CNTN5: variants seen among roughly 807,000 people sequenced by gnomAD.
CNTN5 encodes the protein contactin-5.
Under a neutral mutation model 129.1 loss-of-function variants are expected in CNTN5, and 77 were observed. The observed-to-expected ratio is 0.60, with a 90% CI of 0.50 to 0.72. The LOEUF is 0.72. Ranked by LOEUF, CNTN5 falls within the 30% of genes least tolerant of loss-of-function variation. The pLI is 0.00. For synonymous variants in CNTN5, 509 were observed against 465.6 expected, an observed-to-expected ratio of 1.09 and a Z score of -1.20; for missense variants, 1,478 against 1,328.8, an observed-to-expected ratio of 1.11 and a Z score of -1.75.
chr11:99,682,478 A>G (rs974396788), intron 3 of CNTN5, among the ~76,000 whole-genome samples: 7 of 152,074 alleles, frequency 4.6e-5, no homozygotes, highest in African/African-American at 1.7e-4. Context: ...TACAAAAATA[A>G]TCCATAGAAC....
At chr11:99,124,742 G>A (rs1399633650) in intron 1 of CNTN5, among the ~76,000 whole-genome samples, 3 of 151,542 alleles carry the variant, frequency 2.0e-5, no homozygotes, top group South Asian at 2.1e-4. Flanking sequence ...AAAAAAAGAG[G>A]CATGTTCCAA....
intron 3 of CNTN5, among the ~76,000 whole-genome samples, chr11:99,718,976 G>GA (rs1565458407): frequency 2.0e-5 from 3 of 151,996 alleles, no homozygotes; most frequent in Admixed American, 6.6e-5. Context: ...TCAAGATAAA[G>GA]AAAAAATGAT....
At chr11:99,442,348 T>C (rs1334848684) in intron 2 of CNTN5, among the ~76,000 whole-genome samples, 4 of 152,086 alleles carry the variant, frequency 2.6e-5, no homozygotes, top group Non-Finnish European at 4.4e-5. Flanking sequence ...TTTTGTATTT[T>C]TAGTAGAGAC....
intron 13 of CNTN5, among the ~76,000 whole-genome samples, chr11:100,130,445 G>A (rs1446857377): frequency 6.6e-6 from 1 of 152,160 alleles, no homozygotes; most frequent in Admixed American, 6.6e-5. Flanking sequence ...ATATGGAAAA[G>A]AATATTTTCT....
intron 9 of CNTN5, among the ~76,000 whole-genome samples, chr11:100,033,003 ACT>A (rs998033561): frequency 2.6e-5 from 4 of 152,244 alleles, no homozygotes; most frequent in South Asian, 4.1e-4. Flanking sequence ...CTTTTATAAA[ACT>A]CTGTGCTGAT....
chr11:99,381,977 T>G (rs1469990304), intron 2 of CNTN5, among the ~76,000 whole-genome samples: 1 of 76,160 alleles, frequency 1.3e-5, no homozygotes, highest in Non-Finnish European at 2.5e-5. Flanking sequence ...GTAGTCTCCC[T>G]TTAAAAACAA....
rs144282748 is a variant in CNTN5, at chr11:99,819,794, T to C, written c.277+29T>C. 131 of 1,421,430 alleles carry C rather than the reference T, an allele frequency of 9.2e-5. 1 individual carries two copies. In the Middle Eastern group the frequency reaches 1.6e-3, roughly 17 times the overall value. 88.1% of individuals were successfully genotyped at this position (1,421,430 alleles called of 1,614,324 possible). The stretch of plus-strand genomic sequence containing the variant: ...AGTGTCAAAGGAAAATGGCTCCAGA[T>C]AGAATAAAGGAGGCAAAGAAGACTT... On this transcript the variant is annotated intron_variant, in intron 4 of 24. Coordinates refer to ENST00000524871, the MANE Select transcript of CNTN5 (RefSeq NM_014361.4).
intron 13 of CNTN5, among the ~76,000 whole-genome samples, chr11:100,140,536 G>A (rs938775202): frequency 2.6e-5 from 4 of 152,122 alleles, no homozygotes; most frequent in Admixed American, 2.6e-4. Flanking sequence ...CTAGAAGGAT[G>A]GAGTTGAAGT....
intron 2 of CNTN5, among the ~76,000 whole-genome samples, chr11:99,382,844 A>AGTTTTTTTTTTTTTTTTTTTTTT (rs774797660): frequency 1.4e-5 from 1 of 69,398 alleles, no homozygotes. Context: ...TCTCTAAATA[A>AGTTTTTTTTTTTTTTTTTTTTTT]CTTTTTTTTT....
At chr11:99,636,553 T>A (rs1305300173) in intron 3 of CNTN5, among the ~76,000 whole-genome samples, 1 of 151,778 alleles carries the variant, frequency 6.6e-6, no homozygotes, top group East Asian at 1.9e-4. Flanking sequence ...GTGACAGGAG[T>A]AGAAGATTGA....
At position 99,171,150 on chromosome 11, in the gene CNTN5, A is replaced by C. The variant is rs552998256; in HGVS notation, c.-210+149880A>C. Among the ~76,000 whole-genome samples the C allele has an allele frequency of 2.0e-5, 3 of 152,272 alleles. No individual in the cohort carries two copies. The South Asian group carries it at 6.2e-4, about 32-fold the overall frequency. ...TTGGGAGAATTCTTGCCTGCATTTC[A>C]TGAGTTTTGTACTTTATACTTGAAT... On this transcript the variant is annotated intron_variant, in intron 1 of 24. Coordinates refer to ENST00000524871, the MANE Select transcript of CNTN5 (RefSeq NM_014361.4).
intron 3 of CNTN5, among the ~76,000 whole-genome samples, chr11:99,726,884 T>C (rs1943358494): frequency 6.6e-6 from 1 of 152,088 alleles, no homozygotes; most frequent in Non-Finnish European, 1.5e-5. Context: ...GTAAATTCTA[T>C]CCTTAAAAGA....
At chr11:100,283,516 C>T (rs575802218) in intron 18 of CNTN5, among the ~76,000 whole-genome samples, 3 of 152,292 alleles carry the variant, frequency 2.0e-5, no homozygotes, top group Middle Eastern at 3.4e-3. Context: ...CTAGGAGTTA[C>T]AGTCCTTGTG....
At chr11:100,092,684 T>C (rs1368917807) in intron 13 of CNTN5, among the ~76,000 whole-genome samples, 1 of 152,144 alleles carries the variant, frequency 6.6e-6, no homozygotes, top group African/African-American at 2.4e-5. Context: ...TCTGTATAAA[T>C]CATGTGTGGA....
At position 100,224,714 on chromosome 11, in the gene CNTN5, T is replaced by C; in HGVS notation, c.1907T>C (p.Met636Thr). 6.2e-7 allele frequency: 1 copy of C among 1,612,120 alleles called. No individual in the cohort carries two copies. The highest frequency in any genetic ancestry group is 8.5e-7 in the Non-Finnish European group (1 of 1,178,470). Reference sequence around the variant, plus strand: ...CAGCAAGCATCCTCTGCAGATTTAATGATCAGGAACATCCTTCTGATGCAT... The same window carrying C: ...CAGCAAGCATCCTCTGCAGATTTAACGATCAGGAACATCCTTCTGATGCAT... ...IRAQASSADL[M>T]IRNILLMHAG... The change falls in exon 16 of 25, where the codon ATG becomes ACG. Residue 636 changes from methionine to threonine, a missense_variant. Physicochemically the swap from Met to Thr is moderately conservative, Grantham distance 81. Coordinates refer to ENST00000524871, the MANE Select transcript of CNTN5 (RefSeq NM_014361.4).
rs1950944607 is a variant in CNTN5, at chr11:99,961,445, T to C, written c.877+4436T>C. On this transcript the variant is annotated intron_variant, in intron 8 of 24. Transcript: ENST00000524871. ...ATATTTCTGAAAGAATGAGGAAGGA[T>C]TGAGTTAAAGTATTAAAGAAGTGGA... 2.6e-5 allele frequency among the ~76,000 whole-genome samples: 4 copies of C among 152,144 alleles called. 1 individual carries two copies.
In CNTN5 at chr11:99,746,800, C is replaced by T. The variant is rs143742753; in HGVS notation, c.56-72744C>T. 8.8e-4 allele frequency among the ~76,000 whole-genome samples: 134 copies of T among 152,234 alleles called. No homozygotes were observed. The South Asian group carries it at 0.012, about 14-fold the overall frequency. On this transcript the variant is annotated intron_variant, in intron 3 of 24. Transcript: ENST00000524871. ...CTGGTCTACATGACTGTTTCTGTGT[C>T]GGTACCATGATGTTTTGTTAATTAT... is the stretch of plus-strand genomic sequence containing the variant.
intron 7 of CNTN5, among the ~76,000 whole-genome samples, chr11:99,949,326 A>G (rs188771150): frequency 1.3e-5 from 2 of 152,266 alleles, no homozygotes; most frequent in East Asian, 1.9e-4. Flanking sequence ...GAGTCCATGG[A>G]ACGACTCCAC....
chr11:99,100,213 AT>A (rs1340226117), intron 1 of CNTN5, among the ~76,000 whole-genome samples: 4 of 152,022 alleles, frequency 2.6e-5, no homozygotes, highest in South Asian at 2.1e-4. Flanking sequence ...GGTTTAAAAT[AT>A]TTTTTCTCTC....
Sources: gnomAD v4.1 joint callset for allele counts (sites outside exome capture counted in the v4.1 genomes callset) on GRCh38, gnomAD v4.1.1 for gene constraint, MANE v1.5 for transcripts, NCBI Gene and HGNC (gene_info 2026-07-23, HGNC 2026-07-21) for gene names.